CCSER1: variants seen among roughly 807,000 people sequenced by gnomAD.
CCSER1 encodes serine-rich coiled-coil domain-containing protein 1.
CCSER1 carries 41 observed loss-of-function variants against 82.0 expected under a neutral mutation model. The ratio of observed to expected loss-of-function variants is 0.50; its 90% confidence interval spans 0.39 to 0.65. CCSER1 has a LOEUF of 0.65. CCSER1 is among the 30% of genes least tolerant of loss of function. CCSER1 has a pLI of 0.00. For missense variants in CCSER1, 1,119 were observed against 1,064.2 expected (o/e 1.05, Z -0.72); for synonymous variants, 414 against 383.9 (o/e 1.08, Z -0.92).
At chr4:90,261,798 G>T (rs564129500) in intron 1 of CCSER1, among the ~76,000 whole-genome samples, 1 of 152,092 alleles carries the variant, frequency 6.6e-6, no homozygotes, top group South Asian at 2.1e-4. Context: ...TATTTCTTTT[G>T]ATTCTTTTTG....
In CCSER1 at chr4:91,204,583, C is replaced by T. The variant is rs72872994; in HGVS notation, c.2217+118589C>T. ...CTCTTAATCAAGCCTTTAAAACTAT[C>T]TTGCAAGATATAAATGTTTTGCTTT... On this transcript the variant is annotated intron_variant, in intron 10 of 10. Coordinates refer to ENST00000509176, the MANE Select transcript of CCSER1 (RefSeq NM_001145065.2). Among the ~76,000 whole-genome samples, 1,433 of 151,918 alleles carry T rather than the reference C, an allele frequency of 9.4e-3. 22 individuals are homozygous for T. Among genetic ancestry groups the T allele is most frequent in the African/African-American group, 0.033 (1,356 of 41,498 alleles).
chr4:90,898,464 T>G (rs1561325424), intron 8 of CCSER1, among the ~76,000 whole-genome samples: 1 of 150,704 alleles, frequency 6.6e-6, no homozygotes, highest in Non-Finnish European at 1.5e-5. Context: ...TTTTTTGTAT[T>G]TTTAGTAGAG....
chr4:90,720,065 T>A (rs1561011578), intron 6 of CCSER1, among the ~76,000 whole-genome samples: 1 of 152,166 alleles, frequency 6.6e-6, no homozygotes, highest in Admixed American at 6.5e-5. Flanking sequence ...GTTTTTTATG[T>A]TGTTGTTCGA....
At chr4:91,114,019 A>AT (rs1374694666) in intron 10 of CCSER1, among the ~76,000 whole-genome samples, 1 of 151,888 alleles carries the variant, frequency 6.6e-6, no homozygotes, top group Non-Finnish European at 1.5e-5. Context: ...CGCCCGGCTA[A>AT]TTTTTTGTAT....
intron 10 of CCSER1, among the ~76,000 whole-genome samples, chr4:91,296,393 T>C (rs1404996750): frequency 6.7e-6 from 1 of 148,282 alleles, no homozygotes; most frequent in African/African-American, 2.5e-5. Flanking sequence ...ACTTACAGTG[T>C]ATAAAAGCAT....
chr4:90,785,708 T>C (rs1754421644), intron 7 of CCSER1, among the ~76,000 whole-genome samples: 1 of 138,788 alleles, frequency 7.2e-6, no homozygotes, highest in East Asian at 2.2e-4. Context: ...TTAATTTGTA[T>C]GTTTTAATAA....
chr4:90,487,385 G>C (rs184925921), intron 5 of CCSER1, among the ~76,000 whole-genome samples: 1 of 152,306 alleles, frequency 6.6e-6, no homozygotes, highest in East Asian at 1.9e-4. Context: ...ATGTCACTTT[G>C]AGACAATCAT....
At chr4:90,355,242 A>G (rs1456600912) in intron 3 of CCSER1, among the ~76,000 whole-genome samples, 3 of 152,002 alleles carry the variant, frequency 2.0e-5, no homozygotes, top group African/African-American at 4.8e-5. Flanking sequence ...CTATTTATCA[A>G]ATAGATACAT....
At chr4:90,736,891 T>C (rs1745741365) in intron 7 of CCSER1, among the ~76,000 whole-genome samples, 1 of 152,050 alleles carries the variant, frequency 6.6e-6, no homozygotes, top group African/African-American at 2.4e-5. Flanking sequence ...TATCATGAGA[T>C]TTGCAAGTAA....
At chr4:91,142,761 G>A (rs911124651) in intron 10 of CCSER1, among the ~76,000 whole-genome samples, 1 of 152,106 alleles carries the variant, frequency 6.6e-6, no homozygotes, top group South Asian at 2.1e-4. Context: ...GTGTATTTCT[G>A]TAGACTTTGT....
At chr4:90,236,186 C>T (rs1012776246) in intron 1 of CCSER1, among the ~76,000 whole-genome samples, 3 of 152,204 alleles carry the variant, frequency 2.0e-5, no homozygotes, top group East Asian at 3.9e-4. Context: ...GCTGTGGCCT[C>T]GCAAAATGTT....
intron 4 of CCSER1, among the ~76,000 whole-genome samples, chr4:90,441,034 A>G (rs868708019): frequency 5.3e-5 from 8 of 152,232 alleles, no homozygotes; most frequent in Admixed American, 1.3e-4. Flanking sequence ...AGGGAAGACA[A>G]ACAATGGCAT....
At chr4:90,671,899 T>A (rs968046846) in intron 6 of CCSER1, among the ~76,000 whole-genome samples, 1 of 152,022 alleles carries the variant, frequency 6.6e-6, no homozygotes, top group Non-Finnish European at 1.5e-5. Context: ...ATTAATCTGC[T>A]TGTCCATCTC....
intron 10 of CCSER1, among the ~76,000 whole-genome samples, chr4:91,288,130 G>GTA (rs1035892920): frequency 7.1e-4 from 46 of 64,476 alleles, no homozygotes; most frequent in South Asian, 1.8e-3. Context: ...ACACACTCAT[G>GTA]TATATATATA....
chr4:90,976,215 A>G (rs1223655090), intron 9 of CCSER1, among the ~76,000 whole-genome samples: 1 of 151,502 alleles, frequency 6.6e-6, no homozygotes, highest in South Asian at 2.1e-4. Flanking sequence ...GGCTAGACAC[A>G]TTATTAAGAA....
At chr4:91,405,780 C>A (rs897859896) in intron 10 of CCSER1, among the ~76,000 whole-genome samples, 1 of 152,182 alleles carries the variant, frequency 6.6e-6, no homozygotes, top group African/African-American at 2.4e-5. Flanking sequence ...TCTGTCATGG[C>A]TTCCCTTGGC....
intron 8 of CCSER1, among the ~76,000 whole-genome samples, chr4:90,853,585 A>G (rs1413586787): frequency 2.6e-5 from 4 of 151,716 alleles, no homozygotes; most frequent in Non-Finnish European, 5.9e-5. Flanking sequence ...ATATTTGAAA[A>G]ACACATTTAA....
At chr4:90,300,659 G>A (rs900226330) in intron 1 of CCSER1, among the ~76,000 whole-genome samples, 16 of 152,044 alleles carry the variant, frequency 1.1e-4, no homozygotes, top group African/African-American at 3.6e-4. Context: ...TATTTGAAAA[G>A]CAATGAGAAA....
chr4:91,565,998 C>A (rs1373046055), intron 10 of CCSER1, among the ~76,000 whole-genome samples: 2 of 151,948 alleles, frequency 1.3e-5, no homozygotes, highest in Non-Finnish European at 2.9e-5. Flanking sequence ...CTTGCTTTTG[C>A]CTGTCCAGTA....
Sources: gnomAD v4.1 joint callset for allele counts (sites outside exome capture counted in the v4.1 genomes callset) on GRCh38, gnomAD v4.1.1 for gene constraint, MANE v1.5 for transcripts, NCBI Gene and HGNC (gene_info 2026-07-23, HGNC 2026-07-21) for gene names.